The following DSCAM variants were observed in gnomAD, a reference collection of about 807,000 sequenced individuals.
DSCAM encodes cell adhesion molecule DSCAM.
Under a neutral mutation model 217.7 loss-of-function variants are expected in DSCAM, and 47 were observed. The observed-to-expected ratio is 0.22, with a 90% confidence interval of 0.17 to 0.28. The LOEUF (loss-of-function observed/expected upper bound fraction) is 0.28, where lower values mean the gene tolerates loss of function less well. Ranked by LOEUF, DSCAM falls within the 10% of genes least tolerant of loss-of-function variation. DSCAM has a pLI of 1.00. For missense variants in DSCAM, 2,080 were observed against 2,618.3 expected, an observed-to-expected ratio of 0.79 and a Z score of 4.49; for synonymous variants, 1,056 against 1,015.3, an observed-to-expected ratio of 1.04 and a Z score of -0.76.
intron 16 of DSCAM, among the ~76,000 whole-genome samples, chr21:40,153,328 G>A (rs2090443997): frequency 6.6e-6 from 1 of 152,210 alleles, no homozygotes; most frequent in Non-Finnish European, 1.5e-5. Context: ...TTTGCCCAGA[G>A]TACTATGGAG....
intron 3 of DSCAM, among the ~76,000 whole-genome samples, chr21:40,554,524 C>A (rs1390508227): frequency 6.6e-6 from 1 of 152,038 alleles, no homozygotes; most frequent in Non-Finnish European, 1.5e-5. Context: ...ATCTAGTCAA[C>A]AGTAACAGGA....
chr21:40,525,679 A>G (rs1029788650), intron 3 of DSCAM, among the ~76,000 whole-genome samples: 1 of 152,196 alleles, frequency 6.6e-6, no homozygotes, highest in African/African-American at 2.4e-5. Context: ...GAAACTACTT[A>G]TTTGTCACCA....
At chr21:40,097,964 AAGAAAGAAAGAAAGAAAGAAAGAAAG>A (rs2089701984) in intron 20 of DSCAM, among the ~76,000 whole-genome samples, 10 of 71,326 alleles carry the variant, frequency 1.4e-4, no homozygotes, top group African/African-American at 5.3e-4. Context: ...AAAAGAAAGA[AAGAAAGAAAGAAAGAAAGAAAGAAAG>A]AAAGAAAGAA....
At chr21:40,458,849 GTT>G (rs2075783736) in intron 3 of DSCAM, among the ~76,000 whole-genome samples, 2 of 151,998 alleles carry the variant, frequency 1.3e-5, no homozygotes, top group Admixed American at 6.6e-5. Flanking sequence ...TCCCCACAAA[GTT>G]AGAACTTATC....
At position 40,468,977 on chromosome 21, in the gene DSCAM, T is replaced by C. The variant is rs377409866; in HGVS notation, c.509-99732A>G. 7.9e-5 allele frequency among the ~76,000 whole-genome samples: 12 copies of C among 151,804 alleles called. No individual in the cohort carries two copies. The East Asian group carries it at 1.6e-3, about 20-fold the overall frequency. ...ATCACCCTACATTGAGGGGCAGGAGTGTTTGCATTCCAAGATGCCACTCAG... is the reference window on the plus strand; with the variant it reads ...ATCACCCTACATTGAGGGGCAGGAGCGTTTGCATTCCAAGATGCCACTCAG... On this transcript the variant is annotated intron_variant, in intron 3 of 32. Transcript: ENST00000400454.
intron 10 of DSCAM, among the ~76,000 whole-genome samples, chr21:40,292,183 G>T (rs60871005): frequency 0.02 from 2,313 of 117,860 alleles, 74 homozygotes; most frequent in African/African-American, 0.071. Flanking sequence ...AAAATGTAAT[G>T]ACTTTTTTTT....
intron 11 of DSCAM, among the ~76,000 whole-genome samples, chr21:40,242,123 C>G (rs949695410): frequency 1.3e-5 from 2 of 151,530 alleles, no homozygotes. Context: ...TGGAAGAAAC[C>G]TGCATGTGTA....
chr21:40,553,076 A>T (rs918169541), intron 3 of DSCAM, among the ~76,000 whole-genome samples: 8 of 152,232 alleles, frequency 5.3e-5, no homozygotes, highest in African/African-American at 1.9e-4. Flanking sequence ...GAATTGTAAG[A>T]TATTAATAAC....
chr21:40,257,446 C>T (rs2073388059), intron 11 of DSCAM, among the ~76,000 whole-genome samples: 1 of 133,246 alleles, frequency 7.5e-6, no homozygotes, highest in African/African-American at 2.8e-5. Flanking sequence ...GCTGCAGATT[C>T]AAAGGGCTGG....
chr21:40,543,183 C>T (rs1169567201), intron 3 of DSCAM, among the ~76,000 whole-genome samples: 10 of 152,228 alleles, frequency 6.6e-5, no homozygotes, highest in African/African-American at 9.6e-5. Context: ...ATTCCTCTTC[C>T]CTCTGACAGT....
At chr21:40,528,898 C>CTTTTTTTTTTTTTTTTTTTTTTTTTTTTT (rs911356584) in intron 3 of DSCAM, among the ~76,000 whole-genome samples, 2 of 99,388 alleles carry the variant, frequency 2.0e-5, no homozygotes, top group African/African-American at 9.7e-5. Flanking sequence ...AGGCTTTCCA[C>CTTTTTTTTTTTTTTTTTTTTTTTTTTTTT]TTTTTTTTTT....
At chr21:40,522,067 T>C (rs1336262110) in intron 3 of DSCAM, among the ~76,000 whole-genome samples, 1 of 152,198 alleles carries the variant, frequency 6.6e-6, no homozygotes, top group Non-Finnish European at 1.5e-5. Flanking sequence ...AAGAATTATT[T>C]TGCCCAAAAT....
At chr21:40,827,468 C>CAAAAAAAAAAAAAAAAAAAAAGGAAAA (rs55906607) in intron 1 of DSCAM, among the ~76,000 whole-genome samples, 1 of 57,152 alleles carries the variant, frequency 1.7e-5, no homozygotes, top group Non-Finnish European at 3.6e-5. Context: ...GTCCATGTCT[C>CAAAAAAAAAAAAAAAAAAAAAGGAAAA]AAAAAAAAAA....
intron 3 of DSCAM, among the ~76,000 whole-genome samples, chr21:40,419,562 T>C (rs2075403643): frequency 6.6e-6 from 1 of 152,178 alleles, no homozygotes; most frequent in South Asian, 2.1e-4. Flanking sequence ...ATCTTTCATA[T>C]ATGAGGGCAA....
chr21:40,326,149 A>AG (rs902076463), intron 8 of DSCAM, among the ~76,000 whole-genome samples: 4 of 152,198 alleles, frequency 2.6e-5, no homozygotes, highest in African/African-American at 9.6e-5. Context: ...GGTTGAAAAA[A>AG]GGGGGGACAA....
At chr21:40,787,737 G>T (rs970903581) in intron 1 of DSCAM, among the ~76,000 whole-genome samples, 1 of 152,108 alleles carries the variant, frequency 6.6e-6, no homozygotes. Flanking sequence ...ACCATTATAA[G>T]TACATTCTGA....
intron 3 of DSCAM, among the ~76,000 whole-genome samples, chr21:40,557,586 C>T (rs930423835): frequency 1.2e-4 from 18 of 152,252 alleles, no homozygotes; most frequent in African/African-American, 4.3e-4. Flanking sequence ...CTGCCCACCT[C>T]GTCTTCCCAA....
At chr21:40,802,774 C>T (rs2091899) in intron 1 of DSCAM, among the ~76,000 whole-genome samples, 68,364 of 152,112 alleles carry the variant, frequency 0.45, 17,241 homozygotes, top group South Asian at 0.65. Flanking sequence ...AGCAAGAAGA[C>T]CTTCACCAGA....
Position 40,119,804 on chromosome 21 carries a change from C to T in DSCAM, c.3696+4391G>A, listed in dbSNP as rs533533789. Among the ~76,000 whole-genome samples the T allele has an allele frequency of 3.1e-4, 47 of 151,694 alleles. 1 individual carries two copies. Among genetic ancestry groups the T allele is most frequent in the East Asian group, 7.7e-4 (4 of 5,174 alleles). On this transcript the variant is annotated intron_variant, in intron 20 of 32. Coordinates refer to ENST00000400454, the MANE Select transcript of DSCAM (RefSeq NM_001389.5). ...GACGTTTTAATACAGCCAGGAGGTC[C>T]GTGTTCCGTGTGAGAGAGGAAGAAT...
Sources: allele counts gnomAD v4.1 joint callset (sites outside exome capture counted in the v4.1 genomes callset), GRCh38; gene constraint gnomAD v4.1.1; transcripts MANE v1.5; gene names NCBI Gene and HGNC (gene_info 2026-07-23, HGNC 2026-07-21).